CPED1: variants seen among roughly 807,000 people sequenced by gnomAD.
CPED1 encodes cadherin like and PC-esterase domain containing 1.
A neutral mutation model predicts 128.2 loss-of-function variants in CPED1; 114 were observed. The observed-to-expected ratio is 0.89, with a 90% CI of 0.76 to 1.04. The LOEUF is 1.04. Ranked by LOEUF, CPED1 falls within the 50% of genes least tolerant of loss-of-function variation. The pLI is 0.00. For synonymous variants in CPED1, 462 were observed against 426.7 expected (o/e 1.08, Z -1.02); for missense variants, 1,211 against 1,207.1 (o/e 1.00, Z -0.05).
At chr7:121,273,367 CA>C (rs1254155315) in intron 22 of CPED1, among the ~76,000 whole-genome samples, 2 of 151,920 alleles carry the variant, frequency 1.3e-5, no homozygotes, top group African/African-American at 4.8e-5. Context: ...ACTAAAAATA[CA>C]AAAATTAGCC....
intron 3 of CPED1, among the ~76,000 whole-genome samples, chr7:121,035,662 C>A (rs1792863680): frequency 6.6e-6 from 1 of 151,852 alleles, no homozygotes; most frequent in Non-Finnish European, 1.5e-5. Flanking sequence ...AGTGAGACCC[C>A]TGTCTCTACA....
intron 4 of CPED1, among the ~76,000 whole-genome samples, chr7:121,054,910 CTGTT>C (rs1793455460): frequency 6.6e-6 from 1 of 151,986 alleles, no homozygotes; most frequent in Non-Finnish European, 1.5e-5. Context: ...TTTTTGTTTT[CTGTT>C]TGTTTGTTTT....
At chr7:121,055,810 A>T (rs1299962095) in intron 4 of CPED1, among the ~76,000 whole-genome samples, 5 of 151,948 alleles carry the variant, frequency 3.3e-5, no homozygotes, top group Admixed American at 3.3e-4. Flanking sequence ...CTGTTAGAAA[A>T]TACAATTTCT....
chr7:121,024,517 A>G (rs1441970040), intron 3 of CPED1, among the ~76,000 whole-genome samples: 1 of 152,174 alleles, frequency 6.6e-6, no homozygotes, highest in Non-Finnish European at 1.5e-5. Context: ...AGTTTCATAG[A>G]AACCAGACTG....
intron 16 of CPED1, among the ~76,000 whole-genome samples, chr7:121,226,360 G>A (rs973097042): frequency 6.6e-6 from 1 of 152,026 alleles, no homozygotes; most frequent in African/African-American, 2.4e-5. Flanking sequence ...TGATCATGCT[G>A]GGAGCTGCAG....
In CPED1 at chr7:121,264,707, GA is replaced by G. The variant is rs78987771; in HGVS notation, c.2311-1513del. Among the ~76,000 whole-genome samples the G allele has an allele frequency of 5.1e-3, 769 of 151,912 alleles. 27 individuals are homozygous for G. The East Asian group carries it at 0.092, about 18-fold the overall frequency. On this transcript the variant is annotated intron_variant, in intron 18 of 22. Transcript: ENST00000310396. ...ATGGCAATGCCTGCCATTAAAATCA[GA>G]AAAAAACATGTGCATGACTAATAGA... is the stretch of plus-strand genomic sequence containing the variant.
chr7:121,088,794 T>TAAAAAAAAAAAAAAAAAAAAA (rs1794508617), intron 5 of CPED1, among the ~76,000 whole-genome samples: 3 of 54,762 alleles, frequency 5.5e-5, no homozygotes, highest in Non-Finnish European at 7.5e-5. Context: ...AAAAAAAAAT[T>TAAAAAAAAAAAAAAAAAAAAA]GAAAGTGTAA....
chr7:121,172,662 A>G (rs1336559016), intron 16 of CPED1, among the ~76,000 whole-genome samples: 2 of 12,012 alleles, frequency 1.7e-4, no homozygotes, highest in African/African-American at 1.1e-3. Context: ...GGATGGATAC[A>G]TAGATAGATA....
chr7:121,061,926 A>G (rs913059424), intron 4 of CPED1, among the ~76,000 whole-genome samples: 10 of 152,146 alleles, frequency 6.6e-5, no homozygotes, highest in African/African-American at 1.9e-4. Flanking sequence ...TTAACTGCTT[A>G]GTTTGGTGTT....
chr7:121,123,845 T>C (rs367975007), intron 7 of CPED1, among the ~76,000 whole-genome samples: 1 of 152,226 alleles, frequency 6.6e-6, no homozygotes, highest in South Asian at 2.1e-4. Flanking sequence ...TGTTCTAATA[T>C]GCCCCCAAAA....
At chr7:121,244,504 G>A (rs1390974598) in intron 18 of CPED1, among the ~76,000 whole-genome samples, 166 bp downstream of exon 18, 1 of 152,182 alleles carries the variant, frequency 6.6e-6, no homozygotes, top group Admixed American at 6.5e-5. Flanking sequence ...TCATAGAATA[G>A]CCTGAACAAT....
chr7:121,127,777 G>T (rs528964263), intron 10 of CPED1, among the ~76,000 whole-genome samples: 1 of 151,782 alleles, frequency 6.6e-6, no homozygotes, highest in Non-Finnish European at 1.5e-5. Context: ...CTCGTGATCC[G>T]CCTGCCTCGG....
chr7:121,057,081 G>A (rs1048695043), intron 4 of CPED1, among the ~76,000 whole-genome samples: 1 of 151,906 alleles, frequency 6.6e-6, no homozygotes, highest in Non-Finnish European at 1.5e-5. Flanking sequence ...AGGTTCAAGC[G>A]ATTCTCCTGC....
intron 1 of CPED1, 72 bp from the exon 2 acceptor site, chr7:120,989,319 G>C (rs1156880454): frequency 2.9e-6 from 1 of 347,682 alleles, no homozygotes; most frequent in Non-Finnish European, 5.4e-6. Context: ...GGAAGCAACA[G>C]TTTGGCAGCC....
chr7:121,069,246 A>G (rs923888410), intron 5 of CPED1, among the ~76,000 whole-genome samples: 5 of 152,128 alleles, frequency 3.3e-5, no homozygotes, highest in Non-Finnish European at 7.4e-5. Context: ...CCTAACTCTG[A>G]GGCTTAGTTA....
chr7:121,018,847 G>A lies in CPED1; in HGVS notation c.433+2999G>A, dbSNP rs567601012. Among the ~76,000 whole-genome samples, 15 of 152,062 alleles carry A rather than the reference G, an allele frequency of 9.9e-5. No homozygotes were observed. In the South Asian group the frequency reaches 2.1e-3, roughly 21 times the overall value. ...AAATTATGCACGTTATAATCCACAC[G>A]AAAAACAAAATGCAAACCTGCAATC... On this transcript the variant is annotated intron_variant, in intron 3 of 22. Coordinates refer to ENST00000310396, the MANE Select transcript of CPED1 (RefSeq NM_024913.5).
chr7:121,098,784 AT>A (rs1563024883), intron 6 of CPED1, among the ~76,000 whole-genome samples: 6 of 122,250 alleles, frequency 4.9e-5, no homozygotes, highest in Admixed American at 8.5e-5. Context: ...ATATATAAAA[AT>A]ATATAAAAAT....
chr7:121,130,625 A>C (rs1795638661), intron 12 of CPED1, among the ~76,000 whole-genome samples: 1 of 152,056 alleles, frequency 6.6e-6, no homozygotes, highest in Admixed American at 6.6e-5. Flanking sequence ...ATTAGATGAG[A>C]TGTGTTTTAT....
At position 121,278,983 on chromosome 7, in the gene CPED1, T is replaced by G. The variant is rs538463789; in HGVS notation, c.2868+7553T>G. 2.6e-5 allele frequency among the ~76,000 whole-genome samples: 4 copies of G among 152,250 alleles called. No individual in the cohort carries two copies. The South Asian group carries it at 8.3e-4, about 32-fold the overall frequency. On this transcript the variant is annotated intron_variant, in intron 22 of 22. Coordinates refer to ENST00000310396, the MANE Select transcript of CPED1 (RefSeq NM_024913.5). ...TCATGTTCTTTGCAATAAACCCCCA[T>G]GTCAGGGAGTTTATTACTAGCCTTT...
Sources: gnomAD v4.1 joint callset for allele counts (sites outside exome capture counted in the v4.1 genomes callset) on GRCh38, gnomAD v4.1.1 for gene constraint, MANE v1.5 for transcripts, NCBI Gene and HGNC (gene_info 2026-07-23, HGNC 2026-07-21) for gene names.